Variants in SEMA3A observed in about 807,000 individuals in gnomAD.
SEMA3A encodes the protein semaphorin-3A.
In SEMA3A, 29 loss-of-function variants were observed where a neutral mutation model predicts 97.9. That is an observed-to-expected ratio of 0.30 (90% CI 0.22 to 0.40). SEMA3A has a LOEUF of 0.40. Among genes scored for constraint, SEMA3A ranks in the 10% least tolerant of loss-of-function variants. The pLI is 1.00. For synonymous variants in SEMA3A, 321 were observed against 323.7 expected, an observed-to-expected ratio of 0.99 and a Z score of 0.09; for missense variants, 763 against 951.3, an observed-to-expected ratio of 0.80 and a Z score of 2.60.
chr7:83,989,206 T>A (rs1476980004), intron 12 of SEMA3A, among the ~76,000 whole-genome samples: 18 of 152,280 alleles, frequency 1.2e-4, no homozygotes, highest in Non-Finnish European at 4.4e-5. Context: ...TAACAGCTAA[T>A]GTAATTGAAG....
chr7:84,052,234 T>A (rs1424634728), intron 5 of SEMA3A, among the ~76,000 whole-genome samples: 2 of 152,164 alleles, frequency 1.3e-5, no homozygotes, highest in Admixed American at 1.3e-4. Flanking sequence ...ATAAAATGAG[T>A]TAGGGAGGAT....
chr7:84,399,485 A>G (rs980685499), intron 1 of SEMA3A, among the ~76,000 whole-genome samples: 2 of 152,074 alleles, frequency 1.3e-5, no homozygotes, highest in Non-Finnish European at 2.9e-5. Context: ...CCCTCCCCCA[A>G]TGCCAGACAG....
chr7:84,486,712 C>G (rs569466889), intron 1 of SEMA3A, among the ~76,000 whole-genome samples: 1 of 152,234 alleles, frequency 6.6e-6, no homozygotes, highest in African/African-American at 2.4e-5. Flanking sequence ...TCACTCTTCT[C>G]TTTATAGAGA....
intron 5 of SEMA3A, among the ~76,000 whole-genome samples, chr7:84,055,392 G>C (rs1416791703): frequency 1.3e-5 from 2 of 152,222 alleles, no homozygotes; most frequent in Non-Finnish European, 2.9e-5. Context: ...CCAGGTGTGG[G>C]ATATAGTCTC....
chr7:84,392,430 T>C (rs552103368), intron 1 of SEMA3A, among the ~76,000 whole-genome samples: 5 of 152,304 alleles, frequency 3.3e-5, no homozygotes, highest in Admixed American at 2.0e-4. Flanking sequence ...TAGTATTCCA[T>C]TGGGGATATA....
chr7:84,400,921 A>G (rs1301523182), intron 1 of SEMA3A, among the ~76,000 whole-genome samples: 1 of 152,208 alleles, frequency 6.6e-6, no homozygotes. Context: ...ATCACACTGA[A>G]TTGGGAAAAA....
At chr7:83,996,300 CTTTTTT>C (rs35148121) in intron 12 of SEMA3A, among the ~76,000 whole-genome samples, 1 of 111,978 alleles carries the variant, frequency 8.9e-6, no homozygotes. Context: ...TACTAGTAAT[CTTTTTT>C]TTTTTTTTTT....
intron 6 of SEMA3A, among the ~76,000 whole-genome samples, chr7:84,040,818 AAAAC>A (rs1227453192): frequency 6.6e-6 from 1 of 152,124 alleles, no homozygotes; most frequent in Non-Finnish European, 1.5e-5. Flanking sequence ...AAAAATGTAA[AAAAC>A]AAGAGGAAAA....
At chr7:83,977,234 T>G in intron 14 of SEMA3A, 38 bp from the exon 15 acceptor site, 1 of 1,222,746 alleles carries the variant, frequency 8.2e-7, no homozygotes, top group East Asian at 2.5e-5. Flanking sequence ...ATTGTATCCT[T>G]ATTTTTCCCT....
chr7:84,127,856 C>T (rs1795850063), intron 3 of SEMA3A, among the ~76,000 whole-genome samples: 2 of 137,574 alleles, frequency 1.5e-5, no homozygotes, highest in African/African-American at 5.5e-5. Flanking sequence ...CTTTAGGCAA[C>T]ACACAGAATA....
intron 1 of SEMA3A, among the ~76,000 whole-genome samples, chr7:84,417,443 A>G (rs1292496776): frequency 6.6e-6 from 1 of 152,102 alleles, no homozygotes; most frequent in Non-Finnish European, 1.5e-5. Context: ...ATAAACTGAT[A>G]AACATGTATA....
At chr7:84,216,505 G>C (rs1034016865) in intron 3 of SEMA3A, among the ~76,000 whole-genome samples, 3 of 152,034 alleles carry the variant, frequency 2.0e-5, no homozygotes, top group Admixed American at 6.6e-5. Flanking sequence ...TTTCAAACCT[G>C]ATCCTTTCTT....
intron 3 of SEMA3A, among the ~76,000 whole-genome samples, chr7:84,204,219 G>A (rs1391078400): frequency 6.6e-6 from 1 of 151,868 alleles, no homozygotes; most frequent in Non-Finnish European, 1.5e-5. Context: ...AAGAAATAAA[G>A]CACCACAATT....
At chr7:84,107,963 A>C (rs1309939719) in intron 4 of SEMA3A, among the ~76,000 whole-genome samples, 1 of 152,140 alleles carries the variant, frequency 6.6e-6, no homozygotes, top group Admixed American at 6.5e-5. Flanking sequence ...TAAGAGGGCA[A>C]AGTGACAATT....
rs762316104 is a variant in SEMA3A at position 84,046,337 on chromosome 7, G to A, written c.654C>T (p.Ser218=). Residue 218 remains serine (S), a synonymous_variant, in exon 6 of 17, where the codon TCC becomes TCT. Transcript: ENST00000265362. ...HHPIRTEQHD[S]RWLNDPKFIS... ...TAAACCACCTACCATTGAGCCACCT[G>A]GAATCATGCTGCTCTGTCCTGATTG... 5 of 1,612,830 alleles carry A rather than the reference G, an allele frequency of 3.1e-6. No homozygotes were observed. The African/African-American group carries it at 5.3e-5, about 17-fold the overall frequency.
chr7:84,441,432 G>A (rs1027871134), intron 1 of SEMA3A, among the ~76,000 whole-genome samples: 1 of 151,772 alleles, frequency 6.6e-6, no homozygotes, highest in Non-Finnish European at 1.5e-5. Flanking sequence ...GAGATTAAAA[G>A]TGTGATTTTA....
intron 3 of SEMA3A, among the ~76,000 whole-genome samples, chr7:84,278,526 T>C (rs1038952936): frequency 6.6e-6 from 1 of 152,040 alleles, no homozygotes; most frequent in Non-Finnish European, 1.5e-5. Flanking sequence ...ATATCTGATG[T>C]GGGTAATTTA....
At chr7:84,232,924 T>C (rs57237919) in intron 3 of SEMA3A, among the ~76,000 whole-genome samples, 10,873 of 152,020 alleles carry the variant, frequency 0.072, 546 homozygotes, top group Non-Finnish European at 0.084. Context: ...ATAGCTTACA[T>C]AGTGTTTGAT....
intron 1 of SEMA3A, among the ~76,000 whole-genome samples, chr7:84,150,480 G>C (rs771944843): frequency 2.0e-5 from 3 of 152,190 alleles, no homozygotes; most frequent in Non-Finnish European, 4.4e-5. Context: ...AGGGGTGACG[G>C]ACGGCACCTG....
Sources: allele counts gnomAD v4.1 joint callset (sites outside exome capture counted in the v4.1 genomes callset), GRCh38; gene constraint gnomAD v4.1.1; transcripts MANE v1.5; gene names NCBI Gene and HGNC (gene_info 2026-07-23, HGNC 2026-07-21).